The following LRRC9 variants were observed in gnomAD, a reference collection of about 807,000 sequenced individuals.
The protein encoded by LRRC9 is leucine rich repeat containing 9.
In LRRC9, 122 loss-of-function variants were observed where a neutral mutation model predicts 63.2. The observed-to-expected ratio is 1.93, with a 90% CI of 1.67 to 2.24. LRRC9 has a LOEUF of 2.24. LRRC9 is among the 30% of genes most tolerant of loss of function. LRRC9 has a pLI of 0.00. For missense variants in LRRC9, 1,071 were observed against 627.7 expected (o/e 1.71, Z -7.55); for synonymous variants, 366 against 213.1 (o/e 1.72, Z -6.25).
chr14:59,927,806 T>G lies in LRRC9; in HGVS notation c.-33-105T>G. On this transcript the variant is annotated intron_variant, in intron 1 of 31. Coordinates refer to ENST00000445360, the Ensembl canonical transcript of LRRC9. The surrounding 1 kb of genome is among the most constrained non-coding windows in gnomAD (Gnocchi z 4.4). ...CTTGGTAATATACTATGTGAAGATT[T>G]CAAACTACAGTTGGGTGGTTCAACC... The G allele has an allele frequency of 2.0e-6, 1 of 492,862 alleles. No individual in the cohort carries two copies. Among genetic ancestry groups the G allele is most frequent in the Non-Finnish European group, 3.6e-6 (1 of 280,450 alleles). 30.5% of individuals were successfully genotyped at this position (492,862 alleles called of 1,614,324 possible).
chr14:60,011,266 T>G (rs1890237945), intron 23 of LRRC9, among the ~76,000 whole-genome samples: 1 of 152,126 alleles, frequency 6.6e-6, no homozygotes, highest in African/African-American at 2.4e-5. Context: ...CTCCCCTTTA[T>G]AAAACCATCA....
intron 13 of LRRC9, among the ~76,000 whole-genome samples, chr14:59,975,906 C>T (rs1886226211): frequency 6.6e-6 from 1 of 152,166 alleles, no homozygotes; most frequent in Admixed American, 6.5e-5. Context: ...AACCTGGCCA[C>T]ACAGCAGGAG....
chr14:60,042,174 C>G lies in LRRC9; in HGVS notation c.3990+10111C>G, dbSNP rs1287823722. ...AGTCAGCCCCTACTGGGACGTGCCT[C>G]CCAGTTAGGCTACTTGGGGGTCAGG... is the stretch of plus-strand genomic sequence containing the variant. On this transcript the variant is annotated intron_variant, in intron 29 of 31. Transcript: ENST00000445360. This position sits in a 1 kb window ranked among gnomAD's most constrained non-coding sequence, Gnocchi z 4.2. Among the ~76,000 whole-genome samples, 4 of 152,246 alleles carry G rather than the reference C, an allele frequency of 2.6e-5. No individual in the cohort carries two copies. Among genetic ancestry groups the G allele is most frequent in the African/African-American group, 9.6e-5 (4 of 41,458 alleles).
Position 59,999,214 on chromosome 14 carries a change from AAGGATTACTC to A in LRRC9, c.2521_2529+1del. 1 of 700,900 alleles carries A rather than the reference AAGGATTACTC, an allele frequency of 1.4e-6. No homozygotes were observed. Among genetic ancestry groups the A allele is most frequent in the Non-Finnish European group, 2.6e-6 (1 of 383,524 alleles). The allele number at this position is 700,900 out of a possible 1,614,324, so 43.4% of individuals were successfully genotyped here. ...CAGCTATGAAATTTATTGCAGGAAC[AAGGATTACTC>A]AGGTTGGATTTTACTGTTTACTATT... On this transcript the variant is annotated frameshift_variant and splice_region_variant, in exon 19 of 32. Transcript: ENST00000445360. LOFTEE classifies it high-confidence loss of function.
At chr14:59,947,941 T>G (rs1882642806) in intron 8 of LRRC9, among the ~76,000 whole-genome samples, 1 of 152,056 alleles carries the variant, frequency 6.6e-6, no homozygotes, top group Admixed American at 6.6e-5. Flanking sequence ...TCAGGTAGTG[T>G]GATGCCTCCA....
At chr14:59,947,077 G>C (rs1295481314) in intron 8 of LRRC9, among the ~76,000 whole-genome samples, 1 of 148,440 alleles carries the variant, frequency 6.7e-6, no homozygotes, top group East Asian at 2.0e-4. Flanking sequence ...CTGAGGAATC[G>C]CCACACTGAC....
In LRRC9 at chr14:59,933,741, C is replaced by G. The variant is rs1566784958; in HGVS notation, c.543+1702C>G. On this transcript the variant is annotated intron_variant, in intron 6 of 31. Transcript: ENST00000445360. ...CTTTGAAGTGTCAACAGAATTTGAA[C>G]AAGCATTGGTGGGAGGATCTTCTGG... 2.0e-5 allele frequency among the ~76,000 whole-genome samples: 3 copies of G among 152,068 alleles called. No homozygotes were observed. The South Asian group carries it at 6.2e-4, about 32-fold the overall frequency.
At chr14:59,973,294 C>T (rs1239733197) in intron 12 of LRRC9, among the ~76,000 whole-genome samples, 1 of 151,934 alleles carries the variant, frequency 6.6e-6, no homozygotes, top group Admixed American at 6.6e-5. Flanking sequence ...TATATAGTTT[C>T]TATATTTGCC....
chr14:60,063,508 T>G (rs932370802), exon 32 of LRRC9: 1 of 606,020 alleles, frequency 1.7e-6, no homozygotes, highest in East Asian at 2.8e-5. Context: ...CATATGAAGA[T>G]AATCTATTAC....
At chr14:60,050,747 G>A (rs1258734469) in intron 29 of LRRC9, among the ~76,000 whole-genome samples, 1 of 152,076 alleles carries the variant, frequency 6.6e-6, no homozygotes, top group Non-Finnish European at 1.5e-5. Context: ...AGCTTTGAGT[G>A]GGGCTTTTGT....
At chr14:59,933,729 A>G (rs991730592) in intron 6 of LRRC9, among the ~76,000 whole-genome samples, 14 of 152,176 alleles carry the variant, frequency 9.2e-5, no homozygotes, top group African/African-American at 3.4e-4. Context: ...TGAAGTGTCA[A>G]CAGAATTTGA....
rs942657693 is a variant in LRRC9 at position 60,060,373 on chromosome 14, G to A, written c.4276+2351G>A. ...CCTGCTAACACAACATCCATGCTGT[G>A]GCTGATGGATCAAGGAGTAACTTCA... On this transcript the variant is annotated intron_variant, in intron 31 of 31. Transcript: ENST00000445360. This position sits in a 1 kb window ranked among gnomAD's most constrained non-coding sequence, Gnocchi z 4.0. Among the ~76,000 whole-genome samples, 5 of 152,184 alleles carry A rather than the reference G, an allele frequency of 3.3e-5. No individual in the cohort carries two copies. The highest frequency in any genetic ancestry group is 2.1e-4 in the South Asian group (1 of 4,826).
At position 59,990,690 on chromosome 14, in the gene LRRC9, G is replaced by A. The variant is rs1173839050; in HGVS notation, c.2211+5466G>A. Among the ~76,000 whole-genome samples, 4 of 152,290 alleles carry A rather than the reference G, an allele frequency of 2.6e-5. No homozygotes were observed. The East Asian group carries it at 5.8e-4, about 22-fold the overall frequency. ...GCCTCCCAAAGTGCTGGGATTACAG[G>A]AGCCACTGTACCAGGCCCCTTCAGA... On this transcript the variant is annotated intron_variant, in intron 17 of 31. Coordinates refer to ENST00000445360, the Ensembl canonical transcript of LRRC9. This position sits in a 1 kb window ranked among gnomAD's most constrained non-coding sequence, Gnocchi z 4.2.
intron 23 of LRRC9, among the ~76,000 whole-genome samples, chr14:60,012,235 A>G (rs1304461550): frequency 3.3e-5 from 5 of 152,182 alleles, no homozygotes; most frequent in African/African-American, 4.8e-5. Flanking sequence ...AACTCTAGAG[A>G]AGTTACATGA....
rs1343797650 is a variant in LRRC9, at chr14:60,003,616, T to C, written c.2665-5T>C. ...AAATAACATACAATGTAAATTATTCTACAGATAACTGCCTTAAATTTAGAT... is the reference window on the plus strand; with the variant it reads ...AAATAACATACAATGTAAATTATTCCACAGATAACTGCCTTAAATTTAGAT... On this transcript the variant is annotated splice_polypyrimidine_tract_variant and splice_region_variant and intron_variant, in intron 20 of 31. Transcript: ENST00000445360. This position sits in a 1 kb window ranked among gnomAD's most constrained non-coding sequence, Gnocchi z 4.2. The C allele has an allele frequency of 4.6e-6, 3 of 656,632 alleles. No homozygotes were observed. Among genetic ancestry groups the C allele is most frequent in the Non-Finnish European group, 8.1e-6 (3 of 369,100 alleles). The allele number at this position is 656,632 out of a possible 1,614,324, so 40.7% of individuals were successfully genotyped here. A position where few individuals can be genotyped will look rare whatever the true frequency, so the allele number is the denominator to read the frequency against.
intron 29 of LRRC9, among the ~76,000 whole-genome samples, chr14:60,040,519 C>A (rs1360438613): frequency 6.6e-6 from 1 of 151,778 alleles, no homozygotes; most frequent in Non-Finnish European, 1.5e-5. Context: ...ATATAATGGC[C>A]TTCTTTGTCT....
intron 8 of LRRC9, among the ~76,000 whole-genome samples, chr14:59,946,380 T>C (rs150667): frequency 0.98 from 147,675 of 151,188 alleles, 72,152 homozygotes; most frequent in Middle Eastern, 1. Context: ...ATTTTATATC[T>C]GCTATTTTCA....
In LRRC9 at chr14:59,997,866, A is replaced by G. The variant is rs1422154886; in HGVS notation, c.2403+19A>G. Reference sequence around the variant, plus strand: ...GCAAAAGGTATGCCACAGACATGTTACTAAAAAGCAAACATTTTTATTTTC... The same window carrying G: ...GCAAAAGGTATGCCACAGACATGTTGCTAAAAAGCAAACATTTTTATTTTC... On this transcript the variant is annotated intron_variant, in intron 18 of 31. Transcript: ENST00000445360. The G allele has an allele frequency of 6.2e-6, 4 of 647,704 alleles. No homozygotes were observed. The South Asian group carries it at 6.8e-5, about 11-fold the overall frequency. The allele number at this position is 647,704 out of a possible 1,614,324, so 40.1% of individuals were successfully genotyped here. A position where few individuals can be genotyped will look rare whatever the true frequency, so the allele number is the denominator to read the frequency against.
At chr14:60,014,893 A>T (rs1036647056) in intron 23 of LRRC9, among the ~76,000 whole-genome samples, 1 of 152,088 alleles carries the variant, frequency 6.6e-6, no homozygotes, top group African/African-American at 2.4e-5. Flanking sequence ...GAATCCAGTG[A>T]TACTAATATT....
Sources: gnomAD v4.1 joint callset for allele counts (sites outside exome capture counted in the v4.1 genomes callset) on GRCh38, gnomAD v4.1.1 for gene constraint, Gnocchi (gnomAD v3.1) non-coding constraint, MANE v1.5 for transcripts, NCBI Gene and HGNC (gene_info 2026-07-23, HGNC 2026-07-21) for gene names.